The following HNRNPR variants were observed in gnomAD, a reference collection of about 807,000 sequenced individuals.
HNRNPR encodes the protein heterogeneous nuclear ribonucleoprotein R.
A neutral mutation model predicts 70.3 loss-of-function variants in HNRNPR; 4 were observed. The observed-to-expected ratio is 0.06, with a 90% CI of 0.03 to 0.13. HNRNPR has a LOEUF of 0.13. Among genes scored for constraint, HNRNPR ranks in the 10% least tolerant of loss-of-function variants. HNRNPR has a pLI of 1.00. For missense variants in HNRNPR, 423 were observed against 788.5 expected (o/e 0.54, Z 5.55); for synonymous variants, 241 against 267.6 (o/e 0.90, Z 0.97).
chr1:23,318,475 G>GT lies in HNRNPR; in HGVS notation c.1017+7dup. The GT allele has an allele frequency of 6.2e-7, 1 of 1,609,924 alleles. No individual in the cohort carries two copies. The highest frequency in any genetic ancestry group is 8.5e-7 in the Non-Finnish European group (1 of 1,176,206). On this transcript the variant is annotated splice_region_variant and intron_variant, in intron 8 of 10. Coordinates refer to ENST00000302271, the MANE Select transcript of HNRNPR (RefSeq NM_005826.5). The surrounding 1 kb of genome is among the most constrained non-coding windows in gnomAD (Gnocchi z 4.2). ...GACCCTATGCCCATTCCAAGCAACT[G>GT]TATTTACCTTAGCCATGACTTCTGG...
At chr1:23,311,363 C>CAAAA in intron 9 of HNRNPR, 41 bp from the exon 10 acceptor site, 3 of 1,338,864 alleles carry the variant, frequency 2.2e-6, no homozygotes, top group Non-Finnish European at 3.1e-6. Context: ...CGATATAAAA[C>CAAAA]TGTATTTTGT....
In HNRNPR at chr1:23,305,888, T is replaced by C. The variant is rs1452679981; in HGVS notation, c.*4566A>G. 1 of 152,208 alleles carries C rather than the reference T, an allele frequency of 6.6e-6. No individual in the cohort carries two copies. The highest frequency in any genetic ancestry group is 6.5e-5 in the Admixed American group (1 of 15,292). 9.4% of individuals were successfully genotyped at this position (152,208 alleles called of 1,614,324 possible). A position where few individuals can be genotyped will look rare whatever the true frequency, so the allele number is the denominator to read the frequency against. On this transcript the variant is annotated 3_prime_UTR_variant, in exon 11 of 11. Coordinates refer to ENST00000302271, the MANE Select transcript of HNRNPR (RefSeq NM_005826.5). The stretch of plus-strand genomic sequence containing the variant: ...ACATATCTCTAAATTGAGGCCATTA[T>C]TGTCAAACTGCTAAAACTTTTTAAA...
chr1:23,333,687 T>C, intron 4 of HNRNPR, 56 bp from the exon 5 acceptor site: 1 of 991,024 alleles, frequency 1.0e-6, no homozygotes, highest in Non-Finnish European at 1.6e-6. Flanking sequence ...CACACAAGCA[T>C]CAGTGTATTA....
intron 7 of HNRNPR, among the ~76,000 whole-genome samples, 156 bp downstream of exon 7, chr1:23,321,372 T>C (rs906227301): frequency 2.0e-5 from 3 of 152,144 alleles, no homozygotes; most frequent in African/African-American, 7.2e-5. Context: ...GGGAACTTGC[T>C]TAAACCCAAA....
chr1:23,305,422 T>C lies in HNRNPR; in HGVS notation c.*5032A>G, dbSNP rs747612154. 3 of 152,208 alleles carry C rather than the reference T, an allele frequency of 2.0e-5. No homozygotes were observed. Among genetic ancestry groups the C allele is most frequent in the Non-Finnish European group, 4.4e-5 (3 of 68,022 alleles). The allele number at this position is 152,208 out of a possible 1,614,324, so 9.4% of individuals were successfully genotyped here. A position where few individuals can be genotyped will look rare whatever the true frequency, so the allele number is the denominator to read the frequency against. ...TAGCAAACTTACAAGTAAGGGTTTA[T>C]ATTCATGACACTGACTAGCACATTT... On this transcript the variant is annotated 3_prime_UTR_variant, in exon 11 of 11. Transcript: ENST00000302271.
In HNRNPR at chr1:23,321,487, A is replaced by T. The variant is rs754314377; in HGVS notation, c.811+41T>A. The T allele has an allele frequency of 8.3e-5, 130 of 1,574,254 alleles. 1 individual carries two copies. In the East Asian group the frequency reaches 2.9e-3, roughly 35 times the overall value. On this transcript the variant is annotated intron_variant, in intron 7 of 10. Coordinates refer to ENST00000302271, the MANE Select transcript of HNRNPR (RefSeq NM_005826.5). Reference sequence around the variant, plus strand: ...TTTGAGCACTTGTAAGTAGTACAACATATTTCGCAAAAGTAATTTCTAAAT... The same window carrying T: ...TTTGAGCACTTGTAAGTAGTACAACTTATTTCGCAAAAGTAATTTCTAAAT...
intron 5 of HNRNPR, among the ~76,000 whole-genome samples, chr1:23,328,133 G>A (rs1421976053): frequency 6.6e-6 from 1 of 152,214 alleles, no homozygotes; most frequent in Non-Finnish European, 1.5e-5. Context: ...ACAGGCCAAT[G>A]GCTAGAATGA....
intron 9 of HNRNPR, 41 bp from the exon 10 acceptor site, chr1:23,311,363 CTG>C (rs1213176401): frequency 2.2e-6 from 3 of 1,338,886 alleles, no homozygotes; most frequent in South Asian, 1.2e-5. Flanking sequence ...CGATATAAAA[CTG>C]TATTTTGTTT....
chr1:23,310,772 G>C lies in HNRNPR; in HGVS notation c.1584C>G (p.Gly528=). Residue 528 remains glycine (G), a synonymous_variant, in exon 11 of 11, where the codon GGC becomes GGG. Coordinates refer to ENST00000302271, the MANE Select transcript of HNRNPR (RefSeq NM_005826.5). This position sits in a 1 kb window ranked among gnomAD's most constrained non-coding sequence, Gnocchi z 6.0. ...CCAAAGGTGCCCCCCTCTGTGAATA[G>C]CCAGCTCTACCTCTTGGAGGTGGTG... ...RGAPPPRGRA[G]YSQRGAPLGP... The C allele has an allele frequency of 1.2e-6, 2 of 1,613,958 alleles. No homozygotes were observed. The highest frequency in any genetic ancestry group is 1.7e-6 in the Non-Finnish European group (2 of 1,179,944).
intron 5 of HNRNPR, among the ~76,000 whole-genome samples, chr1:23,327,418 T>C (rs1646033175): frequency 6.6e-6 from 1 of 152,194 alleles, no homozygotes; most frequent in Admixed American, 6.5e-5. Flanking sequence ...TCATGCGCAG[T>C]GGCTCATGTG....
chr1:23,311,392 T>C (rs778481890), intron 9 of HNRNPR, 70 bp from the exon 10 acceptor site: 119 of 1,008,184 alleles, frequency 1.2e-4, no homozygotes, highest in Non-Finnish European at 1.7e-4. Flanking sequence ...GTATGTAAGC[T>C]ATTATACTTG....
At position 23,338,546 on chromosome 1, in the gene HNRNPR, C is replaced by T; in HGVS notation, c.220G>A (p.Glu74Lys). ...AIDALREFNE[E>K]GALSVLQQFK... ...TGCTGTAGTACAGACAGAGCTCCTT[C>T]TTCATTAAATTCCCTGAGAGCATCA... is the stretch of plus-strand genomic sequence containing the variant. The change falls in exon 3 of 11, where the codon GAA (glutamate) becomes AAA (lysine). Residue 74 changes from glutamate to lysine, a missense_variant. Around this residue, in one of 7 missense-constraint regions of HNRNPR, gnomAD observed 44 missense variants for 89.0 expected, o/e 0.49. Transcript: ENST00000302271. 6.2e-7 allele frequency: 1 copy of T among 1,601,798 alleles called. No individual in the cohort carries two copies. The highest frequency in any genetic ancestry group is 2.3e-5 in the East Asian group (1 of 44,086).
chr1:23,337,401 G>C (rs1570113398), intron 4 of HNRNPR, among the ~76,000 whole-genome samples: 1 of 152,320 alleles, frequency 6.6e-6, no homozygotes, highest in Non-Finnish European at 1.5e-5. Context: ...GCTCACGTCT[G>C]TAATCCCAGC....
At chr1:23,311,500 C>T (rs1283860612) in intron 9 of HNRNPR, among the ~76,000 whole-genome samples, 178 bp from the exon 10 acceptor site, 2 of 152,012 alleles carry the variant, frequency 1.3e-5, no homozygotes, top group Non-Finnish European at 1.5e-5. Context: ...AAAGAAAATA[C>T]GTTTCCCTTG....
chr1:23,322,244 T>A (rs1355305907), intron 6 of HNRNPR, among the ~76,000 whole-genome samples: 1 of 152,076 alleles, frequency 6.6e-6, no homozygotes, highest in African/African-American at 2.4e-5. Context: ...AGCCCTTTTT[T>A]TTTTTTCTTA....
At chr1:23,321,895 TTTA>T (rs1275059308) in intron 6 of HNRNPR, among the ~76,000 whole-genome samples, 1 of 152,216 alleles carries the variant, frequency 6.6e-6, no homozygotes, top group East Asian at 1.9e-4. Flanking sequence ...AAGGACTCAC[TTTA>T]TTGTTTAAAA....
At chr1:23,314,591 A>G (rs949313326) in intron 8 of HNRNPR, among the ~76,000 whole-genome samples, 2 of 152,234 alleles carry the variant, frequency 1.3e-5, no homozygotes, top group Non-Finnish European at 2.9e-5. Flanking sequence ...AAATATATTT[A>G]AAGTTCAAAC....
chr1:23,315,783 AT>A (rs1328714227), intron 8 of HNRNPR, among the ~76,000 whole-genome samples: 1 of 152,202 alleles, frequency 6.6e-6, no homozygotes, highest in Non-Finnish European at 1.5e-5. Flanking sequence ...TAATAAGAAG[AT>A]ACTAATTTAA....
chr1:23,323,648 G>A lies in HNRNPR; in HGVS notation c.583C>T (p.Arg195Cys). Residue 195 changes from arginine to cysteine, a missense_variant, in exon 6 of 11, where the codon CGT (arginine) becomes TGT (cysteine). By Grantham distance (180) the Arg-to-Cys change is radical. Around this residue, in one of 7 missense-constraint regions of HNRNPR, gnomAD observed 118 missense variants for 239.3 expected, o/e 0.49. Coordinates refer to ENST00000302271, the MANE Select transcript of HNRNPR (RefSeq NM_005826.5). The stretch of plus-strand genomic sequence containing the variant: ...CCGGACAGTGGATCCATCATAAGAC[G>A]TAGATCCCAAATGGGTCCGGCCTTC... ...FEKAGPIWDL[R>C]LMMDPLSGQN... The A allele has an allele frequency of 6.2e-7, 1 of 1,613,876 alleles. No homozygotes were observed. Among genetic ancestry groups the A allele is most frequent in the Non-Finnish European group, 8.5e-7 (1 of 1,179,810 alleles).
Sources: gnomAD v4.1 joint callset for allele counts (sites outside exome capture counted in the v4.1 genomes callset) on GRCh38, gnomAD v4.1.1 for gene constraint, gnomAD v4.1.1 regional missense constraint, Gnocchi (gnomAD v3.1) non-coding constraint, MANE v1.5 for transcripts, NCBI Gene and HGNC (gene_info 2026-07-23, HGNC 2026-07-21) for gene names.